MAN1B1: variants seen among roughly 807,000 people sequenced by gnomAD.
MAN1B1 encodes mannosidase alpha class 1B member 1.
A neutral mutation model predicts 75.5 loss-of-function variants in MAN1B1; 66 were observed. The observed-to-expected ratio is 0.87, with a 90% CI of 0.72 to 1.07. The LOEUF (loss-of-function observed/expected upper bound fraction) is 1.07, where lower values mean the gene tolerates loss of function less well. Among genes scored for constraint, MAN1B1 ranks in the 50% least tolerant of loss-of-function variants. MAN1B1 has a pLI of 0.00. For missense variants in MAN1B1, 973 were observed against 912.5 expected, an observed-to-expected ratio of 1.07 and a Z score of -0.85; for synonymous variants, 453 against 382.8, an observed-to-expected ratio of 1.18 and a Z score of -2.14.
intron 12 of MAN1B1, chr9:137,107,869 G>A: frequency 1.4e-6 from 1 of 691,928 alleles, no homozygotes; most frequent in South Asian, 1.7e-5. Flanking sequence ...GTGGGACCCA[G>A]AGTACTTGGA....
intron 3 of MAN1B1, 35 bp downstream of exon 3, chr9:137,089,040 G>C (rs201813871): frequency 6.2e-7 from 1 of 1,613,330 alleles, no homozygotes; most frequent in Non-Finnish European, 8.5e-7. Context: ...TTATAACTGG[G>C]GTTCAATCCA....
Position 137,108,923 on chromosome 9 carries a change from G to A in MAN1B1, c.*332G>A, listed in dbSNP as rs1267893054. The stretch of plus-strand genomic sequence containing the variant: ...TCGAGGTGGTCCCTGGTACTGGGGT[G>A]ACCGAGTGGACAGCCCAGGGTGCAG... On this transcript the variant is annotated 3_prime_UTR_variant, in exon 13 of 13. Coordinates refer to ENST00000371589, the MANE Select transcript of MAN1B1 (RefSeq NM_016219.5). 2.0e-6 allele frequency: 1 copy of A among 503,268 alleles called. No homozygotes were observed. The highest frequency in any genetic ancestry group is 3.9e-6 in the Non-Finnish European group (1 of 258,320). The allele number at this position is 503,268 out of a possible 1,614,324, so 31.2% of individuals were successfully genotyped here.
At chr9:137,098,045 A>C (rs979014151) in intron 5 of MAN1B1, 108 bp downstream of exon 5, 3 of 803,130 alleles carry the variant, frequency 3.7e-6, no homozygotes, top group Non-Finnish European at 2.1e-6. Context: ...CCTGGTGTGC[A>C]CCTTGCCCTT....
chr9:137,089,563 G>A (rs978871409), intron 3 of MAN1B1, among the ~76,000 whole-genome samples: 1 of 152,222 alleles, frequency 6.6e-6, no homozygotes, highest in African/African-American at 2.4e-5. Flanking sequence ...GGGAGCAGGG[G>A]TTGGCTCAGT....
chr9:137,101,183 A>G, intron 7 of MAN1B1, 30 bp downstream of exon 7: 1 of 1,612,490 alleles, frequency 6.2e-7, no homozygotes, highest in Admixed American at 1.7e-5. Context: ...CTGCAGGGAG[A>G]TGGTGGACTC....
chr9:137,107,017 G>A (rs1831134559), intron 10 of MAN1B1, among the ~76,000 whole-genome samples: 1 of 152,238 alleles, frequency 6.6e-6, no homozygotes, highest in South Asian at 2.1e-4. Flanking sequence ...CTTCCCCAGG[G>A]CAGCTCCCTC....
At chr9:137,107,928 G>A in intron 12 of MAN1B1, 1 of 645,508 alleles carries the variant, frequency 1.5e-6, no homozygotes, top group Non-Finnish European at 2.8e-6. Context: ...TCTAGGGAGG[G>A]TCTCTGCTGT....
Position 137,096,310 on chromosome 9 carries a change from G to A in MAN1B1, c.539G>A (p.Gly180Glu). 1 of 1,613,952 alleles carries A rather than the reference G, an allele frequency of 6.2e-7. No homozygotes were observed. The highest frequency in any genetic ancestry group is 8.5e-7 in the Non-Finnish European group (1 of 1,179,892). The change falls in exon 4 of 13, where the codon GGG becomes GAG. Residue 180 changes from glycine (G) to glutamate (E), a missense_variant. Transcript: ENST00000371589. ...CCCCCAAGCCAAGACCTGAAGGATG[G>A]GACCCAGGAGGAGGCCACAAAAAGG... ...IRPPSQDLKD[G>E]TQEEATKRQE...
chr9:137,106,677 T>G lies in MAN1B1; in HGVS notation c.1446-12T>G, dbSNP rs1276739878. 2 of 1,613,196 alleles carry G rather than the reference T, an allele frequency of 1.2e-6. No individual in the cohort carries two copies. The highest frequency in any genetic ancestry group is 2.7e-5 in the African/African-American group (2 of 74,928). On this transcript the variant is annotated splice_polypyrimidine_tract_variant and intron_variant, in intron 9 of 12. Transcript: ENST00000371589. ...CGTCCTGGTAGAGTGAGATGACTGC[T>G]GGTGTCCACAGGCTGCTGGAAGACT...
At chr9:137,088,681 C>A in intron 2 of MAN1B1, 188 bp from the exon 3 acceptor site, 1 of 757,370 alleles carries the variant, frequency 1.3e-6, no homozygotes, top group Non-Finnish European at 2.2e-6. Flanking sequence ...TGGACAAGGA[C>A]ACAAACTGCC....
intron 8 of MAN1B1, chr9:137,102,478 C>T: frequency 2.5e-6 from 1 of 404,780 alleles, no homozygotes; most frequent in Non-Finnish European, 4.8e-6. Flanking sequence ...TACACACATT[C>T]ATTCTGTTGC....
chr9:137,101,734 G>T (rs1412422160), intron 8 of MAN1B1, 62 bp downstream of exon 8: 1 of 1,537,852 alleles, frequency 6.5e-7, no homozygotes. Flanking sequence ...GCTCATCACA[G>T]CAGGTACTGT....
chr9:137,088,374 TCTGA>T (rs780981654), intron 2 of MAN1B1, 191 bp downstream of exon 2: 14 of 1,587,446 alleles, frequency 8.8e-6, no homozygotes, highest in Non-Finnish European at 1.2e-5. Context: ...TTTGATGCTG[TCTGA>T]CTACTTTCTA....
At chr9:137,095,199 G>A (rs117505815) in intron 3 of MAN1B1, among the ~76,000 whole-genome samples, 3,787 of 151,944 alleles carry the variant, frequency 0.025, 70 homozygotes, top group Middle Eastern at 0.058. Context: ...GATTACAGGC[G>A]TGCGCCACCA....
Position 137,103,721 on chromosome 9 carries a change from GTGT to G in MAN1B1, c.1254+2051_1254+2053del, listed in dbSNP as rs562188376. ...ACTGTTGCAGGCGTGCAGGTCCGTG[GTGT>G]TACACACATGCTGTTGCAGGCGTGC... On this transcript the variant is annotated intron_variant, in intron 8 of 12. Transcript: ENST00000371589. 4.9e-3 allele frequency: 2,121 copies of G among 429,858 alleles called. 41 individuals carry two copies. Among genetic ancestry groups the G allele is most frequent in the African/African-American group, 0.043 (1,958 of 45,440 alleles). The allele number at this position is 429,858 out of a possible 1,614,324, so 26.6% of individuals were successfully genotyped here.
chr9:137,102,171 T>C (rs945851084), intron 8 of MAN1B1: 4 of 443,822 alleles, frequency 9.0e-6, no homozygotes, highest in Non-Finnish European at 1.8e-5. Flanking sequence ...ACATTCCTGC[T>C]GTTGCAGGAG....
rs768619500 is a variant in MAN1B1, at chr9:137,108,957, G to A, written c.*366G>A. Reference sequence around the variant, plus strand: ...GACAGCCCAGGGTGCAGCTCTGCCCGGGCTCGTGAAGCCTCAGATGTCCCC... The same window carrying A: ...GACAGCCCAGGGTGCAGCTCTGCCCAGGCTCGTGAAGCCTCAGATGTCCCC... On this transcript the variant is annotated 3_prime_UTR_variant, in exon 13 of 13. Transcript: ENST00000371589. 1.4e-4 allele frequency: 69 copies of A among 476,344 alleles called. No homozygotes were observed. The highest frequency in any genetic ancestry group is 7.4e-4 in the South Asian group (48 of 64,734). 29.5% of individuals were successfully genotyped at this position (476,344 alleles called of 1,614,324 possible).
Position 137,101,915 on chromosome 9 carries a change from C to T in MAN1B1, c.1254+243C>T, listed in dbSNP as rs545054350. ...TTCACACTGTTGCAGGCGTGCAGGT[C>T]GGTGGTGTTACACACATTTGGGCTG... On this transcript the variant is annotated intron_variant, in intron 8 of 12. Coordinates refer to ENST00000371589, the MANE Select transcript of MAN1B1 (RefSeq NM_016219.5). 1.4e-4 allele frequency: 92 copies of T among 635,886 alleles called. No homozygotes were observed. In the Middle Eastern group the frequency reaches 1.5e-3, roughly 10 times the overall value. The allele number at this position is 635,886 out of a possible 1,614,324, so 39.4% of individuals were successfully genotyped here.
intron 2 of MAN1B1, chr9:137,088,523 A>G: frequency 9.2e-7 from 1 of 1,086,092 alleles, no homozygotes. Flanking sequence ...GACCAGGCAG[A>G]GTTCTGGTGA....
Sources: gnomAD v4.1 joint callset for allele counts (sites outside exome capture counted in the v4.1 genomes callset) on GRCh38, gnomAD v4.1.1 for gene constraint, MANE v1.5 for transcripts, NCBI Gene and HGNC (gene_info 2026-07-23, HGNC 2026-07-21) for gene names.